Variants in KIF6 observed in about 807,000 individuals in gnomAD.
KIF6 encodes the protein kinesin-like protein KIF6.
KIF6 carries 106 observed loss-of-function variants against 112.7 expected under a neutral mutation model. That is an observed-to-expected ratio of 0.94 (90% CI 0.80 to 1.11). KIF6 has a LOEUF of 1.11. KIF6 is among the 50% of genes least tolerant of loss of function. The probability of loss-of-function intolerance (pLI) is 0.00; values close to 1 mark genes in which losing one functional copy is unlikely to be tolerated. For missense variants in KIF6, 929 were observed against 964.0 expected (o/e 0.96, Z 0.48); for synonymous variants, 339 against 339.9 (o/e 1.00, Z 0.03).
chr6:39,577,923 C>T (rs866121862), intron 10 of KIF6, 133 bp downstream of exon 10: 32 of 589,818 alleles, frequency 5.4e-5, no homozygotes, highest in South Asian at 1.2e-4. Flanking sequence ...TCTTAACTGG[C>T]GCCTAAATGC....
chr6:39,598,939 A>G (rs915466603), intron 6 of KIF6, among the ~76,000 whole-genome samples: 23 of 152,226 alleles, frequency 1.5e-4, no homozygotes, highest in African/African-American at 4.8e-4. Flanking sequence ...AACTTAGGTC[A>G]TTAAGTATAA....
chr6:39,505,295 A>G (rs1776364652), intron 13 of KIF6, among the ~76,000 whole-genome samples: 1 of 152,224 alleles, frequency 6.6e-6, no homozygotes, highest in Admixed American at 6.5e-5. Flanking sequence ...CTGGCTAGCC[A>G]TGTGCAGAAA....
At chr6:39,658,065 A>G (rs554881839) in intron 3 of KIF6, among the ~76,000 whole-genome samples, 42 of 152,368 alleles carry the variant, frequency 2.8e-4, no homozygotes, top group Middle Eastern at 3.4e-3. Flanking sequence ...TTAAACATAC[A>G]GGAAACTGAG....
At chr6:39,570,004 G>C (rs751282905) in intron 10 of KIF6, among the ~76,000 whole-genome samples, 12 of 152,102 alleles carry the variant, frequency 7.9e-5, no homozygotes, top group Non-Finnish European at 1.8e-4. Context: ...TCTTCCTTTA[G>C]GCATATTTAT....
At chr6:39,357,148 G>A (rs1291444385) in intron 19 of KIF6, 129 bp downstream of exon 19, 2 of 610,300 alleles carry the variant, frequency 3.3e-6, no homozygotes, top group Non-Finnish European at 5.8e-6. Context: ...TAATTAAACA[G>A]TAAAAGGAAT....
chr6:39,662,626 T>C (rs939000459), intron 3 of KIF6, among the ~76,000 whole-genome samples: 4 of 152,140 alleles, frequency 2.6e-5, no homozygotes, highest in African/African-American at 9.7e-5. Context: ...CTTTTAAAGA[T>C]TTATCTGGAG....
chr6:39,442,929 C>T (rs1374057257), intron 13 of KIF6, among the ~76,000 whole-genome samples: 4 of 151,808 alleles, frequency 2.6e-5, no homozygotes, highest in Non-Finnish European at 5.9e-5. Context: ...CTGGCTAACA[C>T]GGTGAAACCT....
At chr6:39,675,538 G>C (rs1787081291) in intron 3 of KIF6, among the ~76,000 whole-genome samples, 1 of 151,972 alleles carries the variant, frequency 6.6e-6, no homozygotes, top group African/African-American at 2.4e-5. Flanking sequence ...TAAACTAGCA[G>C]AACAGGACTC....
chr6:39,636,034 G>A (rs1402446621), intron 4 of KIF6, among the ~76,000 whole-genome samples: 1 of 151,916 alleles, frequency 6.6e-6, no homozygotes, highest in Non-Finnish European at 1.5e-5. Flanking sequence ...CAAAGGGAGA[G>A]AGGACCAAGT....
intron 21 of KIF6, 115 bp downstream of exon 21, chr6:39,345,585 G>A: frequency 2.6e-6 from 2 of 776,934 alleles, no homozygotes; most frequent in Non-Finnish European, 4.2e-6. Flanking sequence ...CCAGACCTGG[G>A]TTCTGTCTGT....
intron 3 of KIF6, among the ~76,000 whole-genome samples, chr6:39,697,143 G>T (rs765176423): frequency 6.6e-6 from 1 of 152,036 alleles, no homozygotes; most frequent in Non-Finnish European, 1.5e-5. Flanking sequence ...CTCTTCTCTG[G>T]CATCACCAAC....
chr6:39,643,979 A>G (rs952600460), intron 3 of KIF6, among the ~76,000 whole-genome samples: 1 of 152,126 alleles, frequency 6.6e-6, no homozygotes, highest in African/African-American at 2.4e-5. Flanking sequence ...TTACAACTCA[A>G]TAATAAGAAG....
rs374656323 is a variant in KIF6, at chr6:39,722,641, A to G, written c.67-1830T>C. 1.5e-3 allele frequency among the ~76,000 whole-genome samples: 234 copies of G among 152,358 alleles called. 4 individuals carry two copies. The South Asian group carries it at 0.023, about 15-fold the overall frequency. The stretch of plus-strand genomic sequence containing the variant: ...CTATAAAATGAAGAGAAAGAAAAAA[A>G]TTCCTTTGAGTCACTCTCAATTTAA... On this transcript the variant is annotated intron_variant, in intron 1 of 22. Transcript: ENST00000287152.
At chr6:39,392,456 T>C (rs1383498689) in intron 15 of KIF6, among the ~76,000 whole-genome samples, 7 of 152,218 alleles carry the variant, frequency 4.6e-5, no homozygotes, top group Non-Finnish European at 1.0e-4. Flanking sequence ...TGCTAGTCTA[T>C]CTGCCCAAGG....
chr6:39,442,351 C>T (rs570554048), intron 13 of KIF6, among the ~76,000 whole-genome samples: 1 of 152,300 alleles, frequency 6.6e-6, no homozygotes, highest in African/African-American at 2.4e-5. Context: ...CAAAAGACAT[C>T]TAAACAGTGG....
intron 15 of KIF6, among the ~76,000 whole-genome samples, chr6:39,404,904 C>T (rs1054485299): frequency 6.6e-6 from 1 of 150,518 alleles, no homozygotes. Flanking sequence ...AGTTTTATAC[C>T]TAAATATTTC....
intron 13 of KIF6, among the ~76,000 whole-genome samples, chr6:39,499,037 G>A (rs1215040783): frequency 6.6e-6 from 1 of 152,226 alleles, no homozygotes; most frequent in East Asian, 1.9e-4. Flanking sequence ...TGGAGATGCT[G>A]TGGAAAGAGC....
rs1455262827 is a variant in KIF6, at chr6:39,332,821, C to T, written c.*3711G>A. On this transcript the variant is annotated 3_prime_UTR_variant, in exon 23 of 23. Transcript: ENST00000287152. Reference sequence around the variant, plus strand: ...CTCCTCTCTCTCTCCTTCTCTCTCTCTCATCCCTGGGACTCTGCCTTGCAA... The same window carrying T: ...CTCCTCTCTCTCTCCTTCTCTCTCTTTCATCCCTGGGACTCTGCCTTGCAA... The T allele has an allele frequency of 6.6e-6, 1 of 152,248 alleles. No homozygotes were observed. 9.4% of individuals were successfully genotyped at this position (152,248 alleles called of 1,614,324 possible). A position where few individuals can be genotyped will look rare whatever the true frequency, so the allele number is the denominator to read the frequency against.
intron 15 of KIF6, among the ~76,000 whole-genome samples, chr6:39,415,517 G>T (rs187458731): frequency 6.6e-5 from 10 of 152,286 alleles, no homozygotes; most frequent in Non-Finnish European, 1.3e-4. Flanking sequence ...AATGCTGAAG[G>T]CTGCTGTTAC....
Sources: allele counts gnomAD v4.1 joint callset (sites outside exome capture counted in the v4.1 genomes callset), GRCh38; gene constraint gnomAD v4.1.1; transcripts MANE v1.5; gene names NCBI Gene and HGNC (gene_info 2026-07-23, HGNC 2026-07-21).